Variants in AHCY observed in about 807,000 individuals in gnomAD.
AHCY encodes the protein S-adenosyl-L-homocysteine hydrolase.
A neutral mutation model predicts 45.4 loss-of-function variants in AHCY; 24 were observed. The ratio of observed to expected loss-of-function variants is 0.53; its 90% CI spans 0.38 to 0.74. The LOEUF (loss-of-function observed/expected upper bound fraction) is 0.74, where lower values mean the gene tolerates loss of function less well. Ranked by LOEUF, AHCY falls within the 30% of genes least tolerant of loss-of-function variation. The pLI is 0.00. For synonymous variants in AHCY, 245 were observed against 235.1 expected (o/e 1.04, Z -0.39); for missense variants, 449 against 594.1 (o/e 0.76, Z 2.54).
chr20:34,303,059 G>A (rs2036836268), intron 1 of AHCY, 184 bp downstream of exon 1: 1 of 985,330 alleles, frequency 1.0e-6, no homozygotes. Flanking sequence ...CGGCCACCCG[G>A]AACGGCCCGC....
At chr20:34,258,952 G>T in the AHCY span, among the ~76,000 whole-genome samples, 1 of 143,140 alleles carries the variant, frequency 7.0e-6, no homozygotes, top group East Asian at 2.0e-4. Context: ...CTGAGTGGTG[G>T]CTCACTTTGG....
chr20:34,281,182 G>C lies in AHCY; in HGVS notation c.1168-17C>G. On this transcript the variant is annotated splice_polypyrimidine_tract_variant and intron_variant, in intron 9 of 9. Coordinates refer to ENST00000217426, the MANE Select transcript of AHCY (RefSeq NM_000687.4). ...CTCATCCAGCTGGGGAGAAACAAAG[G>C]AAGACCGGGAATCAGTGCCATTTTC... The C allele has an allele frequency of 6.2e-7, 1 of 1,612,214 alleles. No homozygotes were observed. Among genetic ancestry groups the C allele is most frequent in the Non-Finnish European group, 8.5e-7 (1 of 1,179,918 alleles).
At chr20:34,309,699 T>G (rs1427210338) in intron 1 of AHCY, among the ~76,000 whole-genome samples, 1 of 152,098 alleles carries the variant, frequency 6.6e-6, no homozygotes, top group African/African-American at 2.4e-5. Flanking sequence ...GAGAATCGCT[T>G]GAACCCAGGA....
chr20:34,247,621 T>C, the AHCY span, among the ~76,000 whole-genome samples: 1 of 151,960 alleles, frequency 6.6e-6, no homozygotes, highest in Non-Finnish European at 1.5e-5. Context: ...TATGACTTTT[T>C]TTTTTGAGAC....
At chr20:34,300,424 C>T (rs1375577871) in intron 1 of AHCY, among the ~76,000 whole-genome samples, 1 of 152,206 alleles carries the variant, frequency 6.6e-6, no homozygotes, top group African/African-American at 2.4e-5. Context: ...CCTGCCCCTC[C>T]TCCATCTCTC....
At chr20:34,282,367 G>A (rs1292844746) in intron 9 of AHCY, among the ~76,000 whole-genome samples, 1 of 152,228 alleles carries the variant, frequency 6.6e-6, no homozygotes, top group Non-Finnish European at 1.5e-5. Context: ...GATGATTGCA[G>A]CCCTGGCAGA....
rs759780277 is a variant in AHCY, at chr20:34,292,351, T to C, written c.445+7A>G. 16 of 1,612,430 alleles carry C rather than the reference T, an allele frequency of 9.9e-6. No individual in the cohort carries two copies. The highest frequency in any genetic ancestry group is 1.3e-5 in the Non-Finnish European group (15 of 1,179,798). Reference sequence around the variant, plus strand: ...AGCACCCAGCCCACCTGCCCCGCCCTGCTCACCTGGCAGAAGCTGCGGGTA... The same window carrying C: ...AGCACCCAGCCCACCTGCCCCGCCCCGCTCACCTGGCAGAAGCTGCGGGTA... On this transcript the variant is annotated splice_region_variant and intron_variant, in intron 4 of 9. Coordinates refer to ENST00000217426, the MANE Select transcript of AHCY (RefSeq NM_000687.4).
the AHCY span, among the ~76,000 whole-genome samples, chr20:34,235,913 A>AGGAG: frequency 0.019 from 2,007 of 107,034 alleles, 263 homozygotes; most frequent in East Asian, 0.033. Context: ...GAAGGAAGGA[A>AGGAG]GGAAGGAAGG....
chr20:34,276,711 G>A (rs1294652761), downstream of AHCY, among the ~76,000 whole-genome samples: 2 of 151,890 alleles, frequency 1.3e-5, no homozygotes, highest in Non-Finnish European at 2.9e-5. Flanking sequence ...TCCTGGAGTC[G>A]CTCCTGCACC....
At chr20:34,275,219 G>A in the AHCY span, among the ~76,000 whole-genome samples, 12 of 145,178 alleles carry the variant, frequency 8.3e-5, no homozygotes, top group Admixed American at 1.4e-4. Context: ...TGCAACCTCC[G>A]CCTCACGGGT....
chr20:34,288,066 C>G (rs2036245482), intron 8 of AHCY, among the ~76,000 whole-genome samples: 1 of 152,226 alleles, frequency 6.6e-6, no homozygotes, highest in Non-Finnish European at 1.5e-5. Context: ...TGGCCACCCC[C>G]ACACTGTGAT....
At chr20:34,311,390 G>A (rs1441744953) in intron 1 of AHCY, 1 of 152,240 alleles carries the variant, frequency 6.6e-6, no homozygotes, top group East Asian at 1.9e-4. Context: ...CCAGGTCCAG[G>A]CCCCAGTGGA....
chr20:34,266,525 T>A, the AHCY span, among the ~76,000 whole-genome samples: 6 of 151,224 alleles, frequency 4.0e-5, no homozygotes, highest in Admixed American at 4.0e-4. Context: ...ATACAAAAAT[T>A]AGCTGGGCGT....
chr20:34,290,224 C>T lies in AHCY; in HGVS notation c.972+108G>A. On this transcript the variant is annotated intron_variant, in intron 8 of 9. Coordinates refer to ENST00000217426, the MANE Select transcript of AHCY (RefSeq NM_000687.4). This position sits in a 1 kb window ranked among gnomAD's most constrained non-coding sequence, Gnocchi z 4.5. ...CTCTGATGCTAGGCCCTCTTCTCCC[C>T]ATCCCCCTGCACAGGTTGCCACCAT... 1.8e-6 allele frequency: 2 copies of T among 1,082,306 alleles called. No homozygotes were observed. The highest frequency in any genetic ancestry group is 1.4e-6 in the Non-Finnish European group (1 of 706,906). The allele number at this position is 1,082,306 out of a possible 1,614,324, so 67.0% of individuals were successfully genotyped here.
chr20:34,241,937 T>C, the AHCY span, among the ~76,000 whole-genome samples: 4 of 152,220 alleles, frequency 2.6e-5, no homozygotes, highest in African/African-American at 9.6e-5. Context: ...TTATTAGAGA[T>C]GAAACAGATG....
chr20:34,295,353 G>A, intron 2 of AHCY, 42 bp downstream of exon 2: 1 of 1,611,712 alleles, frequency 6.2e-7, no homozygotes, highest in South Asian at 1.1e-5. Flanking sequence ...GCTGAACCCA[G>A]GGAGGGCAAG....
At chr20:34,282,657 G>C (rs375465654) in intron 9 of AHCY, among the ~76,000 whole-genome samples, 2 of 152,192 alleles carry the variant, frequency 1.3e-5, no homozygotes, top group Non-Finnish European at 2.9e-5. Context: ...CGGTCACCAA[G>C]CTAGTGAATG....
chr20:34,266,880 G>A, the AHCY span, among the ~76,000 whole-genome samples: 1 of 152,122 alleles, frequency 6.6e-6, no homozygotes, highest in Non-Finnish European at 1.5e-5. Flanking sequence ...GGGAAATACT[G>A]GACTGAGGCA....
chr20:34,293,765 C>T (rs2036480718), intron 3 of AHCY: 1 of 430,846 alleles, frequency 2.3e-6, no homozygotes, highest in Admixed American at 3.5e-5. Flanking sequence ...CGTAGCCCTC[C>T]CCAGTTCTTT....
Sources: gnomAD v4.1 joint callset for allele counts (sites outside exome capture counted in the v4.1 genomes callset) on GRCh38, gnomAD v4.1.1 for gene constraint, Gnocchi (gnomAD v3.1) non-coding constraint, MANE v1.5 for transcripts, NCBI Gene and HGNC (gene_info 2026-07-23, HGNC 2026-07-21) for gene names.